The following TRIM55 variants were observed in gnomAD, a reference collection of about 807,000 sequenced individuals.
The protein encoded by TRIM55 is tripartite motif containing 55.
In TRIM55, 50 loss-of-function variants were observed where a neutral mutation model predicts 60.9. The ratio of observed to expected loss-of-function variants is 0.82; its 90% CI spans 0.65 to 1.04. TRIM55 has a LOEUF of 1.04. Among genes scored for constraint, TRIM55 ranks in the 50% least tolerant of loss-of-function variants. The pLI, the probability that TRIM55 is intolerant of heterozygous loss-of-function variation, is 0.00. For missense variants in TRIM55, 681 were observed against 666.9 expected, an observed-to-expected ratio of 1.02 and a Z score of -0.23; for synonymous variants, 237 against 238.1, an observed-to-expected ratio of 1.00 and a Z score of 0.04.
intron 9 of TRIM55, 40 bp downstream of exon 9, chr8:66,154,374 C>G (rs776558809): frequency 1.9e-6 from 3 of 1,596,644 alleles, no homozygotes; most frequent in Non-Finnish European, 2.6e-6. Flanking sequence ...TTCCCGCGCC[C>G]CCTAGGGTCC....
chr8:66,148,197 A>T (rs2128979330), intron 4 of TRIM55, among the ~76,000 whole-genome samples: 1 of 152,208 alleles, frequency 6.6e-6, no homozygotes, highest in Middle Eastern at 3.4e-3. Flanking sequence ...GGATTGAAAA[A>T]CCAAAAGGCC....
chr8:66,166,521 G>T (rs1204716777), intron 9 of TRIM55, among the ~76,000 whole-genome samples: 1 of 152,208 alleles, frequency 6.6e-6, no homozygotes, highest in Admixed American at 6.5e-5. Flanking sequence ...ACTCCACGAA[G>T]TGAAGAGTTA....
At chr8:66,113,441 T>G in the TRIM55 span, 2 of 451,164 alleles carry the variant, frequency 4.4e-6, no homozygotes, top group African/African-American at 2.0e-5. Flanking sequence ...GGTCGCTGGT[T>G]CGATTCCGGC....
chr8:66,140,448 G>C (rs905857098), intron 4 of TRIM55, among the ~76,000 whole-genome samples: 2 of 152,342 alleles, frequency 1.3e-5, no homozygotes, highest in Admixed American at 6.5e-5. Flanking sequence ...CAGTTTAGGT[G>C]GCTCATCTGG....
rs746230423 is a variant in TRIM55 at position 66,128,396 on chromosome 8, G to A, written c.261G>A (p.Leu87=). ...CATCCTGTAGACATGAAGTGGTTTT[G>A]GATAGACATGGGGTATATGGACTTC... ...RCPSCRHEVV[L]DRHGVYGLQR... The change falls in exon 2 of 10, where the codon TTG becomes TTA. Residue 87 remains leucine (L), a synonymous_variant. Transcript: ENST00000315962. The A allele has an allele frequency of 6.2e-7, 1 of 1,613,724 alleles. No homozygotes were observed. Among genetic ancestry groups the A allele is most frequent in the Non-Finnish European group, 8.5e-7 (1 of 1,179,886 alleles).
chr8:66,132,818 A>T (rs1202431888), intron 2 of TRIM55, among the ~76,000 whole-genome samples: 1 of 152,166 alleles, frequency 6.6e-6, no homozygotes, highest in Non-Finnish European at 1.5e-5. Context: ...AATAAGAAAA[A>T]CCCAATGAGG....
intron 9 of TRIM55, among the ~76,000 whole-genome samples, chr8:66,173,653 A>C (rs1811762765): frequency 6.6e-6 from 1 of 152,212 alleles, no homozygotes; most frequent in African/African-American, 2.4e-5. Flanking sequence ...TGGTACCTTG[A>C]AATGTAAAGA....
At chr8:66,169,569 G>T (rs557877237) in intron 9 of TRIM55, among the ~76,000 whole-genome samples, 2 of 152,324 alleles carry the variant, frequency 1.3e-5, no homozygotes, top group East Asian at 1.9e-4. Flanking sequence ...AGCCGAGAAG[G>T]TAACATGAAT....
At chr8:66,130,924 G>A (rs1275063871) in intron 2 of TRIM55, among the ~76,000 whole-genome samples, 1 of 151,984 alleles carries the variant, frequency 6.6e-6, no homozygotes, top group Non-Finnish European at 1.5e-5. Context: ...GCTTCCCAAA[G>A]TGCTAGGATT....
At chr8:66,145,273 T>C (rs980644814) in intron 4 of TRIM55, among the ~76,000 whole-genome samples, 4 of 152,250 alleles carry the variant, frequency 2.6e-5, no homozygotes, top group Non-Finnish European at 5.9e-5. Flanking sequence ...CTGAACATTT[T>C]GAGTTAATTT....
chr8:66,125,551 A>G (rs1808787488), upstream of TRIM55, among the ~76,000 whole-genome samples: 1 of 152,226 alleles, frequency 6.6e-6, no homozygotes, highest in Non-Finnish European at 1.5e-5. Context: ...AATATCCCAC[A>G]TATTGTACTC....
chr8:66,121,072 C>T, the TRIM55 span, among the ~76,000 whole-genome samples: 1 of 152,232 alleles, frequency 6.6e-6, no homozygotes, highest in African/African-American at 2.4e-5. Context: ...TTTGGCCCGG[C>T]AGCTACAGGT....
the TRIM55 span, among the ~76,000 whole-genome samples, chr8:66,113,774 A>C: frequency 6.6e-6 from 1 of 152,154 alleles, no homozygotes; most frequent in Non-Finnish European, 1.5e-5. Flanking sequence ...CCAGGGGGCC[A>C]GGCGGGGACC....
chr8:66,141,800 A>G (rs1011186567), intron 4 of TRIM55, among the ~76,000 whole-genome samples: 7 of 152,212 alleles, frequency 4.6e-5, no homozygotes, highest in African/African-American at 1.2e-4. Context: ...AAACCCTCCA[A>G]TGATTTTGCA....
rs142195512 is a variant in TRIM55 at position 66,158,512 on chromosome 8, G to C, written c.1524+4178G>C. ...TGGTCCTGGAGCTGCTTCAGTGTCTGACTCTGGGCATCTAAATTCTTGAAG... is the reference window on the plus strand; with the variant it reads ...TGGTCCTGGAGCTGCTTCAGTGTCTCACTCTGGGCATCTAAATTCTTGAAG... On this transcript the variant is annotated intron_variant, in intron 9 of 9. Coordinates refer to ENST00000315962, the MANE Select transcript of TRIM55 (RefSeq NM_184085.2). Among the ~76,000 whole-genome samples, 289 of 152,278 alleles carry C rather than the reference G, an allele frequency of 1.9e-3. 1 individual carries two copies. Among genetic ancestry groups the C allele is most frequent in the Admixed American group, 3.5e-3 (53 of 15,300 alleles).
chr8:66,148,824 G>A (rs964641699), intron 4 of TRIM55, among the ~76,000 whole-genome samples: 6 of 152,164 alleles, frequency 3.9e-5, no homozygotes, highest in African/African-American at 1.2e-4. Flanking sequence ...TGAGGTGGGC[G>A]GATCACTGTA....
At chr8:66,127,081 C>A, upstream of TRIM55, 1 of 552,772 alleles carries the variant, frequency 1.8e-6, no homozygotes, top group Non-Finnish European at 3.2e-6. Flanking sequence ...AGCCCACCGT[C>A]ACGTGACCGC....
At chr8:66,150,607 G>A (rs1165478683) in intron 7 of TRIM55, 141 bp downstream of exon 7, 1 of 966,542 alleles carries the variant, frequency 1.0e-6, no homozygotes, top group African/African-American at 1.7e-5. Context: ...CCAATGTGAA[G>A]CTCTATTTCA....
At chr8:66,159,830 T>G (rs1810949205) in intron 9 of TRIM55, among the ~76,000 whole-genome samples, 1 of 152,248 alleles carries the variant, frequency 6.6e-6, no homozygotes, top group Admixed American at 6.5e-5. Flanking sequence ...ATTGGTCATC[T>G]TTATATTTTC....
Sources: allele counts gnomAD v4.1 joint callset (sites outside exome capture counted in the v4.1 genomes callset), GRCh38; gene constraint gnomAD v4.1.1; transcripts MANE v1.5; gene names NCBI Gene and HGNC (gene_info 2026-07-23, HGNC 2026-07-21).